PCDHGA6: variants seen among roughly 807,000 people sequenced by gnomAD.
The protein encoded by PCDHGA6 is protocadherin gamma subfamily A, 6.
In PCDHGA6, 41 loss-of-function variants were observed where a neutral mutation model predicts 60.6. The ratio of observed to expected loss-of-function variants is 0.68; its 90% CI spans 0.53 to 0.88. The LOEUF is 0.88. Ranked by LOEUF, PCDHGA6 falls within the 40% of genes least tolerant of loss-of-function variation. PCDHGA6 has a pLI of 0.00. For synonymous variants in PCDHGA6, 594 were observed against 524.4 expected (o/e 1.13, Z -1.81); for missense variants, 1,312 against 1,203.0 (o/e 1.09, Z -1.34).
At chr5:141,427,602 A>G (rs1415454468) in intron 1 of PCDHGA6, 1 of 685,668 alleles carries the variant, frequency 1.5e-6, no homozygotes, top group Non-Finnish European at 2.7e-6. Flanking sequence ...CACCCTACGC[A>G]TTGGTGAAGT....
intron 1 of PCDHGA6, chr5:141,385,603 T>C: frequency 1.7e-6 from 2 of 1,190,158 alleles, no homozygotes; most frequent in South Asian, 5.3e-5. Flanking sequence ...CTTTCTTAAC[T>C]CATATATTTT....
At chr5:141,398,207 C>T (rs1368284039) in intron 1 of PCDHGA6, 3 of 1,488,636 alleles carry the variant, frequency 2.0e-6, no homozygotes, top group South Asian at 2.6e-5. Flanking sequence ...TTGTTCTGCC[C>T]GGCGCTCTGT....
chr5:141,494,926 G>T, intron 2 of PCDHGA6, 61 bp downstream of exon 2: 1 of 1,613,498 alleles, frequency 6.2e-7, no homozygotes, highest in Non-Finnish European at 8.5e-7. Flanking sequence ...GGATGACGTG[G>T]GAGGAGATGG....
Position 141,400,535 on chromosome 5 carries a change from T to C in PCDHGA6, c.2424+24028T>C, listed in dbSNP as rs753705723. 2.5e-6 allele frequency: 4 copies of C among 1,613,958 alleles called. No individual in the cohort carries two copies. In the South Asian group the frequency reaches 4.4e-5, roughly 18 times the overall value. ...TCCCATCCTGAGTTGGTGAGTTTCATTTATGTCTATTCTTTTTCATTACCC... is the reference window on the plus strand; with the variant it reads ...TCCCATCCTGAGTTGGTGAGTTTCACTTATGTCTATTCTTTTTCATTACCC... On this transcript the variant is annotated intron_variant, in intron 1 of 3. Transcript: ENST00000517434.
intron 1 of PCDHGA6, chr5:141,423,222 G>A (rs760308436): frequency 1.2e-6 from 2 of 1,613,688 alleles, no homozygotes; most frequent in Non-Finnish European, 1.7e-6. Context: ...CCGTGGCTGT[G>A]GCCGACAGCA....
At chr5:141,428,230 C>A in intron 1 of PCDHGA6, 1 of 1,073,982 alleles carries the variant, frequency 9.3e-7, no homozygotes, top group Non-Finnish European at 1.4e-6. Flanking sequence ...CGCAGACAGC[C>A]TGCAGGAGGC....
At chr5:141,376,788 G>A (rs944207667) in intron 1 of PCDHGA6, 10 of 365,346 alleles carry the variant, frequency 2.7e-5, no homozygotes, top group Non-Finnish European at 4.9e-5. Context: ...CCGGGTTCAC[G>A]CCATTCTCCT....
intron 1 of PCDHGA6, among the ~76,000 whole-genome samples, chr5:141,483,755 G>A (rs2099586573): frequency 6.6e-6 from 1 of 152,130 alleles, no homozygotes. Flanking sequence ...TGAGGATCGA[G>A]GCTTGGAAAA....
At chr5:141,391,886 A>C (rs2092436812) in intron 1 of PCDHGA6, 1 of 152,206 alleles carries the variant, frequency 6.6e-6, no homozygotes, top group Non-Finnish European at 1.5e-5. Flanking sequence ...GGTGAAAGGG[A>C]TGGGATGGAG....
At chr5:141,418,685 G>A (rs750217981) in intron 1 of PCDHGA6, 1 of 1,614,056 alleles carries the variant, frequency 6.2e-7, no homozygotes, top group African/African-American at 1.3e-5. Context: ...CATCAACTCA[G>A]AGATCACTTA....
chr5:141,400,221 C>T (rs377228541), intron 1 of PCDHGA6: 36 of 1,614,060 alleles, frequency 2.2e-5, no homozygotes, highest in Admixed American at 6.7e-5. Flanking sequence ...TCTCAGTGCT[C>T]TTCCTCCTGG....
At chr5:141,467,699 T>A (rs1368755814) in intron 1 of PCDHGA6, among the ~76,000 whole-genome samples, 1 of 152,194 alleles carries the variant, frequency 6.6e-6, no homozygotes, top group Non-Finnish European at 1.5e-5. Context: ...TCTGGCTCTG[T>A]TGCCCAGGCT....
intron 1 of PCDHGA6, chr5:141,468,330 C>CAAAAAAAAAAAAAAAAGAAAAAAAAAAA (rs2099163578): frequency 1.3e-5 from 1 of 79,888 alleles, no homozygotes; most frequent in African/African-American, 3.9e-5. Flanking sequence ...AACTCCATCT[C>CAAAAAAAAAAAAAAAAGAAAAAAAAAAA]AAAAAAAAAA....
chr5:141,407,505 T>TTTTTTTTTTTTTTTTTTTTTTTTTTTTTG (rs1460306566), intron 1 of PCDHGA6, among the ~76,000 whole-genome samples: 2 of 152,144 alleles, frequency 1.3e-5, no homozygotes, highest in Non-Finnish European at 1.5e-5. Context: ...CTGTTTTTCT[T>TTTTTTTTTTTTTTTTTTTTTTTTTTTTTG]AGGCTATGTA....
Position 141,491,730 on chromosome 5 carries a change from C to A in PCDHGA6, c.2425-3077C>A, listed in dbSNP as rs1346666614. ...GGGGCTCGGCGCCGCCCCGGGCGAC[C>A]CCTGGGGGCGGCACTGGAGAAGCCG... On this transcript the variant is annotated intron_variant, in intron 1 of 3. Coordinates refer to ENST00000517434, the MANE Select transcript of PCDHGA6 (RefSeq NM_018919.3). This position sits in a 1 kb window ranked among gnomAD's most constrained non-coding sequence, Gnocchi z 6.9. 3.1e-6 allele frequency: 5 copies of A among 1,603,920 alleles called. No individual in the cohort carries two copies. The East Asian group carries it at 6.7e-5, about 22-fold the overall frequency.
chr5:141,409,198 A>T, intron 1 of PCDHGA6: 1 of 1,614,010 alleles, frequency 6.2e-7, no homozygotes, highest in South Asian at 1.1e-5. Flanking sequence ...CCCAGTGTAA[A>T]GTAATCATAG....
intron 1 of PCDHGA6, chr5:141,471,433 T>C (rs2099257619): frequency 6.6e-6 from 1 of 152,162 alleles, no homozygotes; most frequent in African/African-American, 2.4e-5. Flanking sequence ...GGAAAGTGTA[T>C]AATCTCATGT....
intron 1 of PCDHGA6, among the ~76,000 whole-genome samples, chr5:141,472,889 G>A (rs1163806093): frequency 6.6e-6 from 1 of 151,392 alleles, no homozygotes; most frequent in Non-Finnish European, 1.5e-5. Context: ...GGGAGGCTGA[G>A]GCAGGAGAAT....
intron 1 of PCDHGA6, chr5:141,421,412 A>T (rs375885183): frequency 4.3e-6 from 7 of 1,613,962 alleles, no homozygotes; most frequent in Non-Finnish European, 5.9e-6. Context: ...GAGCTGGCGA[A>T]GCGCGGAGTC....
Sources: allele counts gnomAD v4.1 joint callset (sites outside exome capture counted in the v4.1 genomes callset), GRCh38; gene constraint gnomAD v4.1.1; non-coding constraint Gnocchi (gnomAD v3.1); transcripts MANE v1.5; gene names NCBI Gene and HGNC (gene_info 2026-07-23, HGNC 2026-07-21).